The following CLEC16A variants were observed in gnomAD, a reference collection of about 807,000 sequenced individuals.
CLEC16A encodes the protein protein CLEC16A.
A neutral mutation model predicts 109.5 loss-of-function variants in CLEC16A; 51 were observed. The observed-to-expected ratio is 0.47, with a 90% CI of 0.37 to 0.59. CLEC16A has a LOEUF of 0.59. Ranked by LOEUF, CLEC16A falls within the 20% of genes least tolerant of loss-of-function variation. The probability of loss-of-function intolerance (pLI) is 0.00; values close to 1 mark genes in which losing one functional copy is unlikely to be tolerated. For missense variants in CLEC16A, 1,339 were observed against 1,394.0 expected, an observed-to-expected ratio of 0.96 and a Z score of 0.63; for synonymous variants, 673 against 564.2, an observed-to-expected ratio of 1.19 and a Z score of -2.73.
rs1487673343 is a variant in CLEC16A, at chr16:10,973,072, C to G, written c.728+11C>G. 3 of 1,592,884 alleles carry G rather than the reference C, an allele frequency of 1.9e-6. No homozygotes were observed. The highest frequency in any genetic ancestry group is 2.6e-6 in the Non-Finnish European group (3 of 1,169,744). On this transcript the variant is annotated intron_variant, in intron 7 of 23. Coordinates refer to ENST00000409790, the MANE Select transcript of CLEC16A (RefSeq NM_015226.3). ...GCAGACTGATGAGGAGTAAGTGACA[C>G]CCCCAGGGCCACTCAGTAGATAGAC...
At position 10,972,300 on chromosome 16, in the gene CLEC16A, C is replaced by T. The variant is rs113397054; in HGVS notation, c.599-254C>T. ...TCAAGGCCCGTGCTCCCAGGTCACA[C>T]GCTGGACCTCTGGCAACTAGCCAAC... On this transcript the variant is annotated intron_variant, in intron 5 of 23. Transcript: ENST00000409790. 3.6e-3 allele frequency among the ~76,000 whole-genome samples: 546 copies of T among 152,338 alleles called. 2 individuals are homozygous for T. Among genetic ancestry groups the T allele is most frequent in the Admixed American group, 6.3e-3 (96 of 15,310 alleles).
intron 1 of CLEC16A, among the ~76,000 whole-genome samples, chr16:10,949,748 A>AG (rs1037112519): frequency 6.6e-6 from 1 of 152,040 alleles, no homozygotes; most frequent in African/African-American, 2.4e-5. Flanking sequence ...GGATTGGATG[A>AG]GGGGCAGACT....
At chr16:10,952,086 A>T (rs1296952448) in intron 1 of CLEC16A, among the ~76,000 whole-genome samples, 1 of 152,260 alleles carries the variant, frequency 6.6e-6, no homozygotes, top group African/African-American at 2.4e-5. Context: ...CCGAGGAAAT[A>T]GATTGCAACT....
intron 10 of CLEC16A, among the ~76,000 whole-genome samples, chr16:10,994,560 T>C (rs1291447744): frequency 6.6e-6 from 1 of 152,034 alleles, no homozygotes; most frequent in Non-Finnish European, 1.5e-5. Flanking sequence ...CAGGTAAAAA[T>C]GTGAAAAGAT....
intron 13 of CLEC16A, among the ~76,000 whole-genome samples, chr16:11,029,395 C>T (rs1317787346): frequency 6.6e-6 from 1 of 152,150 alleles, no homozygotes; most frequent in Non-Finnish European, 1.5e-5. Flanking sequence ...TCTGAGCTCT[C>T]TCTCTGCAGC....
chr16:11,023,129 T>C (rs532796237), intron 12 of CLEC16A, among the ~76,000 whole-genome samples: 2 of 150,888 alleles, frequency 1.3e-5, no homozygotes, highest in African/African-American at 4.8e-5. Context: ...ATGTGAACTT[T>C]CTGGGAATTT....
intron 12 of CLEC16A, chr16:11,024,177 C>A: frequency 6.6e-6 from 1 of 152,314 alleles, no homozygotes; most frequent in South Asian, 2.1e-4. Flanking sequence ...AGCTCCCATG[C>A]ATTGGCACCG....
rs748815865 is a variant in CLEC16A at position 11,178,516 on chromosome 16, G to A, written c.2988G>A (p.Glu996=). ...AGCCCACCATTTCCCTGCTCTGCGA[G>A]GACACGGCTGACACGCTGAGCGTCG... is the stretch of plus-strand genomic sequence containing the variant. ...ARQPTISLLC[E]DTADTLSVES... The change falls in exon 24 of 24, where the codon GAG becomes GAA. Residue 996 remains glutamate (E), a synonymous_variant. Coordinates refer to ENST00000409790, the MANE Select transcript of CLEC16A (RefSeq NM_015226.3). The surrounding 1 kb of genome is among the most constrained non-coding windows in gnomAD (Gnocchi z 6.5). 3.7e-6 allele frequency: 6 copies of A among 1,613,318 alleles called. No homozygotes were observed. The African/African-American group carries it at 8.0e-5, about 22-fold the overall frequency.
intron 22 of CLEC16A, among the ~76,000 whole-genome samples, chr16:11,157,762 A>G (rs918590433): frequency 3.3e-5 from 5 of 152,158 alleles, no homozygotes; most frequent in African/African-American, 1.2e-4. Context: ...CTGCTTCCTC[A>G]GCCCCCAACA....
intron 10 of CLEC16A, among the ~76,000 whole-genome samples, chr16:10,984,472 G>T (rs1201558610): frequency 6.6e-6 from 1 of 152,198 alleles, no homozygotes; most frequent in East Asian, 1.9e-4. Context: ...GTCATAAAGA[G>T]TCTGTGCCGT....
intron 11 of CLEC16A, among the ~76,000 whole-genome samples, chr16:11,019,093 C>A (rs543350382): frequency 1.3e-5 from 2 of 152,256 alleles, no homozygotes; most frequent in South Asian, 4.1e-4. Context: ...GTTCACATCC[C>A]TCTGGAAACA....
intron 7 of CLEC16A, among the ~76,000 whole-genome samples, chr16:10,974,006 C>G (rs1261680149): frequency 7.4e-6 from 1 of 134,664 alleles, no homozygotes; most frequent in Admixed American, 8.8e-5. Context: ...TCAAGTGATT[C>G]TTCTGCCTCA....
intron 19 of CLEC16A, among the ~76,000 whole-genome samples, chr16:11,063,097 C>G (rs894989922): frequency 2.6e-5 from 4 of 152,008 alleles, no homozygotes; most frequent in Admixed American, 2.6e-4. Flanking sequence ...CTTAACTGAG[C>G]CTTTTTGGGT....
Position 10,944,797 on chromosome 16 carries a change from A to C in CLEC16A, c.80A>C (p.Lys27Thr). ...SRNIHSLDHL[K>T]YLYHVLTKNT... ...AACATCCACTCCTTGGACCACCTCA[A>C]GTGAGTGTGGGGGGCGTAGCGGGAG... Residue 27 changes from lysine to threonine, a missense_variant and splice_region_variant, in exon 1 of 24, where the codon AAG (lysine) becomes ACG (threonine). Lys to Thr is a moderately conservative substitution (Grantham distance 78). Coordinates refer to ENST00000409790, the MANE Select transcript of CLEC16A (RefSeq NM_015226.3). The C allele has an allele frequency of 6.2e-7, 1 of 1,606,062 alleles. No individual in the cohort carries two copies. Among genetic ancestry groups the C allele is most frequent in the Non-Finnish European group, 8.5e-7 (1 of 1,176,636 alleles).
chr16:11,116,692 G>A (rs1429823564), intron 19 of CLEC16A, among the ~76,000 whole-genome samples: 5 of 152,274 alleles, frequency 3.3e-5, no homozygotes, highest in East Asian at 1.9e-4. Flanking sequence ...AAGGAGAGGG[G>A]GGAAATCCTT....
At chr16:11,156,917 G>GCCCCCCCCCCCCCCC (rs60216625) in intron 22 of CLEC16A, among the ~76,000 whole-genome samples, 1 of 77,304 alleles carries the variant, frequency 1.3e-5, no homozygotes, top group Admixed American at 1.5e-4. Flanking sequence ...CCAAATGCCC[G>GCCCCCCCCCCCCCCC]CCCCCCCCCC....
chr16:11,173,883 C>T (rs553938512), intron 23 of CLEC16A, among the ~76,000 whole-genome samples: 16 of 152,306 alleles, frequency 1.1e-4, no homozygotes, highest in Admixed American at 2.0e-4. Flanking sequence ...CTTCTCTGCC[C>T]CTAACCCGGT....
At chr16:10,979,521 AG>A in intron 9 of CLEC16A, 139 bp downstream of exon 9, 1 of 716,846 alleles carries the variant, frequency 1.4e-6, no homozygotes, top group South Asian at 1.7e-5. Flanking sequence ...GCAAAACAGA[AG>A]GGGCTTTCTG....
chr16:11,039,695 G>A (rs1450293103), intron 13 of CLEC16A, 59 bp from the exon 14 acceptor site: 13 of 1,542,070 alleles, frequency 8.4e-6, no homozygotes, highest in Middle Eastern at 1.7e-4. Flanking sequence ...AGGACCTTTC[G>A]GTATGAGGAG....
Sources: allele counts gnomAD v4.1 joint callset (sites outside exome capture counted in the v4.1 genomes callset), GRCh38; gene constraint gnomAD v4.1.1; non-coding constraint Gnocchi (gnomAD v3.1); transcripts MANE v1.5; gene names NCBI Gene and HGNC (gene_info 2026-07-23, HGNC 2026-07-21).